ACTMAP: variants seen among roughly 807,000 people sequenced by gnomAD.
ACTMAP encodes the protein UPF0692 protein C19orf54.
At chr19:40,741,603 T>C in the ACTMAP span, 4 of 397,970 alleles carry the variant, frequency 1.0e-5, no homozygotes, top group African/African-American at 8.2e-5. Context: ...TTTGTATAAG[T>C]GGACAGGAAA....
chr19:40,741,819 G>A, the ACTMAP span: 1 of 456,620 alleles, frequency 2.2e-6, no homozygotes, highest in Non-Finnish European at 4.4e-6. Context: ...TGCTAACACA[G>A]GTAGAGGGGC....
At chr19:40,742,014 C>T in the ACTMAP span, 1 of 436,614 alleles carries the variant, frequency 2.3e-6, no homozygotes, top group East Asian at 6.9e-5. Context: ...GGGATTTGAA[C>T]AACACTTCAG....
the ACTMAP span, among the ~76,000 whole-genome samples, chr19:40,748,990 T>C: frequency 6.9e-6 from 1 of 144,318 alleles, no homozygotes. Context: ...TGCTCTTTTT[T>C]TTTTTTTTTT....
At chr19:40,745,932 A>G in the ACTMAP span, among the ~76,000 whole-genome samples, 1 of 152,168 alleles carries the variant, frequency 6.6e-6, no homozygotes, top group Non-Finnish European at 1.5e-5. Context: ...TTGGCCTCCC[A>G]AAGTGCTGGG....
At chr19:40,749,592 T>C in the ACTMAP span, 27 of 1,550,794 alleles carry the variant, frequency 1.7e-5, no homozygotes. Flanking sequence ...GCCGAAGACA[T>C]GACGGGGAGC....
At chr19:40,742,496 A>C in the ACTMAP span, 1 of 1,510,914 alleles carries the variant, frequency 6.6e-7, no homozygotes, top group Admixed American at 2.1e-5. Context: ...CCCGTACCCC[A>C]CCCACGGGCA....
At chr19:40,750,372 A>G in the ACTMAP span, 1 of 152,252 alleles carries the variant, frequency 6.6e-6, no homozygotes, top group Non-Finnish European at 1.5e-5. Flanking sequence ...CAGAGCAACA[A>G]AAAACGTCTG....
the ACTMAP span, chr19:40,744,778 C>A: frequency 6.9e-7 from 1 of 1,449,826 alleles, no homozygotes; most frequent in Non-Finnish European, 9.1e-7. Flanking sequence ...CTGGAGGAGT[C>A]CCCCTCCCCT....
chr19:40,748,080 C>A, the ACTMAP span, among the ~76,000 whole-genome samples: 6 of 152,122 alleles, frequency 3.9e-5, no homozygotes, highest in African/African-American at 9.7e-5. Context: ...CACAACAGCG[C>A]CTGACATAGG....
chr19:40,746,369 G>A, the ACTMAP span, among the ~76,000 whole-genome samples: 3 of 151,896 alleles, frequency 2.0e-5, no homozygotes, highest in Non-Finnish European at 2.9e-5. Flanking sequence ...ATAGGCATGC[G>A]CCACCATGCC....
chr19:40,745,159 G>A, the ACTMAP span: 4 of 1,551,800 alleles, frequency 2.6e-6, no homozygotes, highest in African/African-American at 4.1e-5. Flanking sequence ...GGGACGGCAG[G>A]TCTGCACAGA....
At chr19:40,741,131 C>G in the ACTMAP span, 1 of 399,866 alleles carries the variant, frequency 2.5e-6, no homozygotes. Flanking sequence ...CCTCTTTACC[C>G]TGATCACTGG....
chr19:40,744,446 A>C, the ACTMAP span: 272 of 1,468,388 alleles, frequency 1.9e-4, 3 homozygotes, highest in South Asian at 2.8e-3. Context: ...GGCAGTGGGA[A>C]GGGCCCAAAG....
At chr19:40,749,562 A>AT in the ACTMAP span, 8 of 1,551,234 alleles carry the variant, frequency 5.2e-6, no homozygotes, top group African/African-American at 1.1e-4. Context: ...GGCCTCCTTC[A>AT]GGAGCTGGCT....
the ACTMAP span, chr19:40,749,832 T>C: frequency 1.4e-6 from 2 of 1,381,040 alleles, no homozygotes; most frequent in Non-Finnish European, 1.9e-6. Flanking sequence ...TGTTGAGAGG[T>C]TCAGAAAGCG....
At chr19:40,747,328 G>C in the ACTMAP span, among the ~76,000 whole-genome samples, 2 of 151,644 alleles carry the variant, frequency 1.3e-5, no homozygotes, top group Admixed American at 1.3e-4. Flanking sequence ...CCTGAGGTCA[G>C]GAGTTCGAGA....
the ACTMAP span, chr19:40,745,118 C>G: frequency 2.4e-4 from 370 of 1,551,766 alleles, no homozygotes; most frequent in Non-Finnish European, 3.0e-4. Flanking sequence ...GTTCCCGCAT[C>G]AGGGCACATA....
the ACTMAP span, chr19:40,745,030 G>T: frequency 7.2e-7 from 1 of 1,398,502 alleles, no homozygotes; most frequent in Non-Finnish European, 9.9e-7. Context: ...CTCCCAGCAG[G>T]GACAATCCAC....
the ACTMAP span, chr19:40,750,273 C>T: frequency 6.5e-6 from 1 of 152,788 alleles, no homozygotes; most frequent in Non-Finnish European, 1.5e-5. Flanking sequence ...AGTTCGGAAC[C>T]TTTGAGCTGA....
Sources: gnomAD v4.1 joint callset for allele counts (sites outside exome capture counted in the v4.1 genomes callset) on GRCh38, gnomAD v4.1.1 for gene constraint, MANE v1.5 for transcripts, NCBI Gene and HGNC (gene_info 2026-07-23, HGNC 2026-07-21) for gene names.